The following CDH12 variants were observed in gnomAD, a reference collection of about 807,000 sequenced individuals.
CDH12 encodes cadherin 12.
In CDH12, 41 loss-of-function variants were observed where a neutral mutation model predicts 74.1. The observed-to-expected ratio is 0.55, with a 90% CI of 0.43 to 0.72. The LOEUF (loss-of-function observed/expected upper bound fraction) is 0.72. Ranked by LOEUF, CDH12 falls within the 30% of genes least tolerant of loss-of-function variation. The pLI is 0.00. For missense variants in CDH12, 945 were observed against 977.2 expected (o/e 0.97, Z 0.44); for synonymous variants, 399 against 355.0 (o/e 1.12, Z -1.39).
chr5:22,452,550 C>T (rs1429032610), intron 2 of CDH12, among the ~76,000 whole-genome samples: 1 of 151,820 alleles, frequency 6.6e-6, no homozygotes, highest in Non-Finnish European at 1.5e-5. Flanking sequence ...CTCTGTTTCT[C>T]ACCATATACA....
chr5:22,360,082 G>A (rs1185966365), intron 3 of CDH12, among the ~76,000 whole-genome samples: 2 of 152,098 alleles, frequency 1.3e-5, no homozygotes, highest in East Asian at 3.9e-4. Flanking sequence ...ACTAAGATCA[G>A]AGCAGAACTG....
chr5:22,618,076 C>A (rs1479976704), intron 1 of CDH12, among the ~76,000 whole-genome samples: 2 of 151,566 alleles, frequency 1.3e-5, no homozygotes, highest in African/African-American at 2.4e-5. Flanking sequence ...GTTTTTTTTT[C>A]AGCTTTTAAT....
intron 2 of CDH12, among the ~76,000 whole-genome samples, chr5:22,469,223 G>A (rs1745859604): frequency 6.6e-6 from 1 of 152,158 alleles, no homozygotes; most frequent in African/African-American, 2.4e-5. Flanking sequence ...ACTAAAATTT[G>A]AATGGTTCTT....
At chr5:22,302,411 T>C (rs1737925092) in intron 3 of CDH12, among the ~76,000 whole-genome samples, 1 of 152,210 alleles carries the variant, frequency 6.6e-6, no homozygotes. Flanking sequence ...GCTTATTTCA[T>C]AACACTAGGA....
intron 1 of CDH12, among the ~76,000 whole-genome samples, chr5:22,673,290 A>C (rs1177983398): frequency 6.6e-6 from 1 of 152,176 alleles, no homozygotes; most frequent in Non-Finnish European, 1.5e-5. Context: ...TTACAATTTT[A>C]AGTAGAGTAA....
intron 1 of CDH12, among the ~76,000 whole-genome samples, chr5:22,570,312 G>A (rs537739831): frequency 2.0e-5 from 3 of 152,114 alleles, no homozygotes; most frequent in South Asian, 2.1e-4. Flanking sequence ...GCCTCCTGAA[G>A]TGCTGGGATT....
intron 3 of CDH12, among the ~76,000 whole-genome samples, chr5:22,326,325 C>G (rs975332539): frequency 6.6e-6 from 1 of 152,056 alleles, no homozygotes; most frequent in Non-Finnish European, 1.5e-5. Context: ...GGCTCCGCCC[C>G]CCGGGGTTCA....
At chr5:22,703,176 G>A (rs13174730) in intron 1 of CDH12, among the ~76,000 whole-genome samples, 76,551 of 151,784 alleles carry the variant, frequency 0.5, 19,880 homozygotes, top group Non-Finnish European at 0.56. Context: ...TGTTAAAAAA[G>A]CACCCCGTTC....
intron 1 of CDH12, among the ~76,000 whole-genome samples, chr5:22,631,927 C>A (rs1425662987): frequency 1.3e-5 from 2 of 151,980 alleles, no homozygotes; most frequent in Non-Finnish European, 2.9e-5. Context: ...AAGGATGTAA[C>A]CCCACGATCC....
Position 21,908,906 on chromosome 5 carries a change from G to A in CDH12, c.527-54116C>T, listed in dbSNP as rs977596065. On this transcript the variant is annotated intron_variant, in intron 6 of 14. Coordinates refer to ENST00000382254, the MANE Select transcript of CDH12 (RefSeq NM_004061.5). ...CTTCCCCAACTTGATAGCAGGGTAC[G>A]CATGAGAGTGTAAAAAAAAAATTAT... is the stretch of plus-strand genomic sequence containing the variant. Among the ~76,000 whole-genome samples, 3 of 152,058 alleles carry A rather than the reference G, an allele frequency of 2.0e-5. No individual in the cohort carries two copies. The East Asian group carries it at 5.8e-4, about 29-fold the overall frequency.
At chr5:22,519,419 A>C (rs1580727637) in intron 1 of CDH12, among the ~76,000 whole-genome samples, 1 of 143,780 alleles carries the variant, frequency 7.0e-6, no homozygotes, top group Non-Finnish European at 1.5e-5. Flanking sequence ...CTCCGTATCC[A>C]CACTCTTTTT....
At chr5:21,835,933 T>C (rs916919909) in intron 8 of CDH12, among the ~76,000 whole-genome samples, 2 of 151,816 alleles carry the variant, frequency 1.3e-5, no homozygotes, top group African/African-American at 4.8e-5. Flanking sequence ...TTGTAGTCCT[T>C]CTATGTCATA....
intron 4 of CDH12, among the ~76,000 whole-genome samples, chr5:22,164,384 T>C (rs1009411001): frequency 5.3e-5 from 8 of 152,180 alleles, no homozygotes; most frequent in African/African-American, 1.9e-4. Flanking sequence ...GGCAAGACTT[T>C]AACCCGATGG....
chr5:22,658,330 G>T (rs9293026), intron 1 of CDH12, among the ~76,000 whole-genome samples: 1 of 151,810 alleles, frequency 6.6e-6, no homozygotes, highest in Non-Finnish European at 1.5e-5. Context: ...TGTTTTGAAC[G>T]ACTGTGATAA....
chr5:22,435,498 A>ATATGTG (rs372393263), intron 2 of CDH12, among the ~76,000 whole-genome samples: 13 of 133,180 alleles, frequency 9.8e-5, no homozygotes, highest in Non-Finnish European at 1.9e-4. Context: ...GTGTATATAT[A>ATATGTG]TGTGTGTGTG....
intron 6 of CDH12, among the ~76,000 whole-genome samples, chr5:21,947,294 G>A (rs1201222442): frequency 3.3e-5 from 5 of 152,032 alleles, no homozygotes; most frequent in South Asian, 2.1e-4. Context: ...ACTGGGTATC[G>A]GGCAGAGGTT....
chr5:21,976,953 G>A (rs1247050686), intron 5 of CDH12, among the ~76,000 whole-genome samples: 1 of 152,038 alleles, frequency 6.6e-6, no homozygotes, highest in Non-Finnish European at 1.5e-5. Flanking sequence ...AAGTTCAACT[G>A]TAGCTACATC....
chr5:22,821,890 T>C (rs1344705604), intron 1 of CDH12, among the ~76,000 whole-genome samples: 3 of 151,612 alleles, frequency 2.0e-5, no homozygotes, highest in Non-Finnish European at 4.4e-5. Context: ...ACTTTAAAGT[T>C]CATATGGAAC....
intron 13 of CDH12, among the ~76,000 whole-genome samples, chr5:21,758,840 C>T (rs1744550452): frequency 6.6e-6 from 1 of 152,142 alleles, no homozygotes; most frequent in African/African-American, 2.4e-5. Context: ...ATCTGGAAGA[C>T]ATTATCCTAA....
Sources: gnomAD v4.1 joint callset for allele counts (sites outside exome capture counted in the v4.1 genomes callset) on GRCh38, gnomAD v4.1.1 for gene constraint, MANE v1.5 for transcripts, NCBI Gene and HGNC (gene_info 2026-07-23, HGNC 2026-07-21) for gene names.